The following ADCY4 variants were observed in gnomAD, a reference collection of about 807,000 sequenced individuals.
The protein encoded by ADCY4 is adenylate cyclase 4, also known as adenylate cyclase type 4.
In ADCY4, 111 loss-of-function variants were observed where a neutral mutation model predicts 125.5. The observed-to-expected ratio is 0.88, with a 90% CI of 0.76 to 1.04. ADCY4 has a LOEUF of 1.04. ADCY4 is among the 50% of genes least tolerant of loss of function. The probability of loss-of-function intolerance (pLI) is 0.00; values close to 1 mark genes in which losing one functional copy is unlikely to be tolerated. For synonymous variants in ADCY4, 576 were observed against 586.9 expected, an observed-to-expected ratio of 0.98 and a Z score of 0.27; for missense variants, 1,256 against 1,382.9, an observed-to-expected ratio of 0.91 and a Z score of 1.46.
At chr14:24,322,004 C>T in intron 20 of ADCY4, 62 bp downstream of exon 20, 2 of 1,539,148 alleles carry the variant, frequency 1.3e-6, no homozygotes, top group Non-Finnish European at 1.8e-6. Flanking sequence ...TAGGTCAAGG[C>T]TTTCATCTGA....
At position 24,318,573 on chromosome 14, in the gene ADCY4, A is replaced by C. The variant is rs532277226; in HGVS notation, c.3082-5T>G. On this transcript the variant is annotated splice_region_variant and splice_polypyrimidine_tract_variant and intron_variant, in intron 24 of 24. Transcript: ENST00000418030. The stretch of plus-strand genomic sequence containing the variant: ...CCATGCTGTCTCCTCAGTCACCTAC[A>C]ATTGGAGGGGGGCGAGGGAATATGG... 6.0e-5 allele frequency: 97 copies of C among 1,614,092 alleles called. No individual in the cohort carries two copies. In the East Asian group the frequency reaches 1.2e-3, roughly 20 times the overall value.
chr14:24,328,346 G>A (rs28769707), intron 10 of ADCY4, among the ~76,000 whole-genome samples: 6,391 of 152,160 alleles, frequency 0.042, 460 homozygotes, highest in East Asian at 0.3. Flanking sequence ...AGGCCTAACC[G>A]TCTCCCTGTG....
In ADCY4 at chr14:24,329,402, C is replaced by T. The variant is rs777010278; in HGVS notation, c.1349G>A (p.Arg450Gln). ...GEPTYLVIDP[R>Q]AEEEDEKGTA... ...ATGGGGTCTGGGCTGGGCTTTTACCCGTGGATCGATGACCAGATAGGTAGG... is the reference window on the plus strand; with the variant it reads ...ATGGGGTCTGGGCTGGGCTTTTACCTGTGGATCGATGACCAGATAGGTAGG... Residue 450 changes from arginine to glutamine, a missense_variant and splice_region_variant, in exon 9 of 25, where the codon CGG (arginine) becomes CAG (glutamine). Coordinates refer to ENST00000418030, the MANE Select transcript of ADCY4 (RefSeq NM_001198568.2). The T allele has an allele frequency of 3.3e-5, 51 of 1,550,788 alleles. No individual in the cohort carries two copies. Among genetic ancestry groups the T allele is most frequent in the Admixed American group, 2.1e-4 (10 of 48,520 alleles).
At chr14:24,332,377 AC>A (rs2042055321) in intron 3 of ADCY4, 144 bp downstream of exon 3, 7 of 914,036 alleles carry the variant, frequency 7.7e-6, no homozygotes, top group Non-Finnish European at 1.1e-5. Context: ...ACACTGTTGT[AC>A]CAGCTCTGCG....
At chr14:24,321,353 G>C (rs978384031) in intron 20 of ADCY4, among the ~76,000 whole-genome samples, 1 of 151,890 alleles carries the variant, frequency 6.6e-6, no homozygotes, top group Admixed American at 6.6e-5. Context: ...CCCAGGAGGC[G>C]GAGGTTTCAG....
chr14:24,328,808 TG>T, intron 10 of ADCY4: 1 of 499,544 alleles, frequency 2.0e-6, no homozygotes, highest in Non-Finnish European at 3.5e-6. Flanking sequence ...CCTGTGGGGC[TG>T]GTCCCTACAA....
chr14:24,321,727 T>A, intron 20 of ADCY4: 1 of 936,126 alleles, frequency 1.1e-6, no homozygotes, highest in South Asian at 4.7e-5. Flanking sequence ...TCCTGCTGTG[T>A]AGCCCAGTTC....
chr14:24,327,476 CA>C (rs2041967402), intron 10 of ADCY4, among the ~76,000 whole-genome samples: 2 of 152,184 alleles, frequency 1.3e-5, no homozygotes, highest in Non-Finnish European at 2.9e-5. Context: ...CATCCTGCAA[CA>C]GTCAGCTGAA....
Position 24,322,074 on chromosome 14 carries a change from G to T in ADCY4, c.2578C>A (p.Arg860Ser), listed in dbSNP as rs1176599494. Residue 860 changes from arginine (R) to serine (S), a missense_variant, in exon 20 of 25, where the codon CGC becomes AGC. Arg to Ser is a moderately radical substitution (Grantham distance 110). Coordinates refer to ENST00000418030, the MANE Select transcript of ADCY4 (RefSeq NM_001198568.2). ...AGGGGGTCAGGAGTCACCTCGTTGC[G>T]CCGGTTCTGGCCAATGAACTGGGGG... ...VAPQFIGQNR[R>S]NEDLYHQSYE... 5.0e-6 allele frequency: 8 copies of T among 1,611,794 alleles called. No individual in the cohort carries two copies. In the South Asian group the frequency reaches 5.5e-5, roughly 11 times the overall value.
At chr14:24,320,938 C>A (rs371464131) in intron 20 of ADCY4, among the ~76,000 whole-genome samples, 2 of 152,100 alleles carry the variant, frequency 1.3e-5, no homozygotes. Flanking sequence ...TCTAGACCAG[C>A]AGTCCCCAAC....
Position 24,322,214 on chromosome 14 carries a change from T to C in ADCY4, c.2438A>G (p.Tyr813Cys). ...LLVLARQNEY[Y>C]CRLDFLWKKK... ...CTTCCACAGGAAGTCCAGGCGGCAGTAGTACTCATTCTGGGGAGGGTCACC... is the reference window on the plus strand; with the variant it reads ...CTTCCACAGGAAGTCCAGGCGGCAGCAGTACTCATTCTGGGGAGGGTCACC... The change falls in exon 20 of 25, where the codon TAC (tyrosine) becomes TGC (cysteine). Residue 813 changes from tyrosine to cysteine, a missense_variant. Tyr to Cys is a radical substitution (Grantham distance 194). Transcript: ENST00000418030. 6.2e-7 allele frequency: 1 copy of C among 1,613,116 alleles called. No individual in the cohort carries two copies. The highest frequency in any genetic ancestry group is 8.5e-7 in the Non-Finnish European group (1 of 1,179,354).
intron 20 of ADCY4, 153 bp downstream of exon 20, chr14:24,321,913 T>C: frequency 7.2e-7 from 1 of 1,393,568 alleles, no homozygotes. Context: ...AGAAAGAATC[T>C]AAGATGTTGT....
In ADCY4 at chr14:24,318,514, G is replaced by A. The variant is rs1370445373; in HGVS notation, c.3136C>T (p.Arg1046Trp). The A allele has an allele frequency of 9.3e-6, 15 of 1,614,036 alleles. No individual in the cohort carries two copies. The highest frequency in any genetic ancestry group is 2.2e-5 in the East Asian group (1 of 44,890). Reference sequence around the variant, plus strand: ...TTGCCTTTCACCTTGATGACACCCCGGCTGTAGCAGGTGTAGCCCAGGGAC... The same window carrying A: ...TTGCCTTTCACCTTGATGACACCCCAGCTGTAGCAGGTGTAGCCCAGGGAC... ...LQSLGYTCYS[R>W]GVIKVKGKGQ... The change falls in exon 25 of 25, where the codon CGG becomes TGG. Residue 1046 changes from arginine to tryptophan, a missense_variant. Physicochemically the swap from Arg to Trp is moderately radical, Grantham distance 101. Coordinates refer to ENST00000418030, the MANE Select transcript of ADCY4 (RefSeq NM_001198568.2).
At chr14:24,326,671 A>G (rs2041951418) in intron 10 of ADCY4, among the ~76,000 whole-genome samples, 3 of 150,016 alleles carry the variant, frequency 2.0e-5, no homozygotes, top group Admixed American at 1.3e-4. Flanking sequence ...TCGGCTCACC[A>G]CAACTTCCAC....
chr14:24,329,370 C>T, intron 9 of ADCY4, 31 bp downstream of exon 9: 1 of 1,545,658 alleles, frequency 6.5e-7, no homozygotes, highest in Non-Finnish European at 8.7e-7. Flanking sequence ...TTTGTGTAGG[C>T]CAGCCCATGG....
At chr14:24,333,113 G>A in intron 1 of ADCY4, 125 bp from the exon 2 acceptor site, 1 of 946,400 alleles carries the variant, frequency 1.1e-6, no homozygotes, top group Non-Finnish European at 1.5e-6. Context: ...AGTACGAAAA[G>A]GAGGCAAGGC....
rs754099921 is a variant in ADCY4, at chr14:24,334,824, C to A, written c.-172G>T. On this transcript the variant is annotated 5_prime_UTR_variant, in exon 1 of 25. Transcript: ENST00000418030. The stretch of plus-strand genomic sequence containing the variant: ...TTTTCAGGCCCTCCCTGCGGCCTCC[C>A]AGCCCGCTCCCAGCTGGCGATGAGG... 3.4e-6 allele frequency: 2 copies of A among 590,070 alleles called. No homozygotes were observed. The highest frequency in any genetic ancestry group is 5.9e-6 in the Non-Finnish European group (2 of 339,724). The allele number at this position is 590,070 out of a possible 1,614,324, so 36.6% of individuals were successfully genotyped here.
Position 24,330,175 on chromosome 14 carries a change from C to T in ADCY4, c.1051G>A (p.Ala351Thr), listed in dbSNP as rs1594666043. ...CVRMGLDMCR[A>T]IRKLRAATGV... ...ACCACCGCCTGAGCTGACCTGATGGCCCGGCACATGTCCAGGCCCATGCGC... is the reference window on the plus strand; with the variant it reads ...ACCACCGCCTGAGCTGACCTGATGGTCCGGCACATGTCCAGGCCCATGCGC... The change falls in exon 7 of 25, where the codon GCC becomes ACC. Residue 351 changes from alanine (A) to threonine (T), a missense_variant. By Grantham distance (58) the Ala-to-Thr change is moderately conservative. Transcript: ENST00000418030. 5 of 1,613,806 alleles carry T rather than the reference C, an allele frequency of 3.1e-6. No homozygotes were observed. Among genetic ancestry groups the T allele is most frequent in the Non-Finnish European group, 4.2e-6 (5 of 1,179,800 alleles).
chr14:24,318,517 T>C lies in ADCY4; in HGVS notation c.3133A>G (p.Ser1045Gly), dbSNP rs2041802585. The change falls in exon 25 of 25, where the codon AGC (serine) becomes GGC (glycine). Residue 1045 changes from serine (S) to glycine (G), a missense_variant. Coordinates refer to ENST00000418030, the MANE Select transcript of ADCY4 (RefSeq NM_001198568.2). Reference sequence around the variant, plus strand: ...CCTTTCACCTTGATGACACCCCGGCTGTAGCAGGTGTAGCCCAGGGACTGT... The same window carrying C: ...CCTTTCACCTTGATGACACCCCGGCCGTAGCAGGTGTAGCCCAGGGACTGT... Reference protein sequence around the residue: ...ALQSLGYTCYSRGVIKVKGKG... With the variant: ...ALQSLGYTCYGRGVIKVKGKG... The C allele has an allele frequency of 6.2e-7, 1 of 1,614,078 alleles. No homozygotes were observed. The highest frequency in any genetic ancestry group is 8.5e-7 in the Non-Finnish European group (1 of 1,180,028).
Sources: allele counts gnomAD v4.1 joint callset (sites outside exome capture counted in the v4.1 genomes callset), GRCh38; gene constraint gnomAD v4.1.1; transcripts MANE v1.5; gene names NCBI Gene and HGNC (gene_info 2026-07-23, HGNC 2026-07-21).